The following UGT2A2 variants were observed in gnomAD, a reference collection of about 807,000 sequenced individuals.
UGT2A2 encodes UDP-glucuronosyltransferase 2A2.
In UGT2A2, 60 loss-of-function variants were observed where a neutral mutation model predicts 50.7. The ratio of observed to expected loss-of-function variants is 1.18; its 90% CI spans 0.96 to 1.47. UGT2A2 has a LOEUF of 1.47. Ranked by LOEUF, UGT2A2 falls within the 40% of genes most tolerant of loss-of-function variation. UGT2A2 has a pLI of 0.00. For missense variants in UGT2A2, 762 were observed against 634.0 expected, an observed-to-expected ratio of 1.20 and a Z score of -2.17; for synonymous variants, 242 against 214.6, an observed-to-expected ratio of 1.13 and a Z score of -1.11.
At chr4:69,637,617 A>T (rs895535757) in intron 1 of UGT2A2, among the ~76,000 whole-genome samples, 1 of 152,044 alleles carries the variant, frequency 6.6e-6, no homozygotes, top group African/African-American at 2.4e-5. Context: ...TGCCTGCTCT[A>T]TTTAAATATG....
intron 1 of UGT2A2, among the ~76,000 whole-genome samples, chr4:69,616,032 C>A (rs1022762630): frequency 6.6e-6 from 1 of 151,892 alleles, no homozygotes; most frequent in Non-Finnish European, 1.5e-5. Context: ...GGTGAATCAA[C>A]GGACAAGTGA....
chr4:69,618,201 G>GTGTGTGTGTATGTT (rs1553905679), intron 1 of UGT2A2, among the ~76,000 whole-genome samples: 4 of 88,528 alleles, frequency 4.5e-5, no homozygotes, highest in African/African-American at 1.7e-4. Context: ...GTGTGTGTGT[G>GTGTGTGTGTATGTT]TGTGTGTGTG....
chr4:69,596,455 G>A, intron 2 of UGT2A2, 74 bp from the exon 3 acceptor site: 5 of 1,401,630 alleles, frequency 3.6e-6, no homozygotes, highest in Non-Finnish European at 4.7e-6. Flanking sequence ...ACACATTTAA[G>A]TAGGTAAAAT....
rs780154181 is a variant in UGT2A2, at chr4:69,594,692, A to G, written c.1116T>C (p.His372=). 1.2e-6 allele frequency: 2 copies of G among 1,613,214 alleles called. No homozygotes were observed. The highest frequency in any genetic ancestry group is 2.2e-5 in the South Asian group (2 of 91,004). The change falls in exon 5 of 6, where the codon CAT becomes CAC. Residue 372 remains histidine, a synonymous_variant. Coordinates refer to ENST00000604629, the MANE Select transcript of UGT2A2 (RefSeq NM_001105677.2). Reference sequence around the variant, plus strand: ...GAGTGATAAAAGCTTTGGTTTTGGGATGTCCTAATTTGAGGATGGAGTGAG... The same window carrying G: ...GAGTGATAAAAGCTTTGGTTTTGGGGTGTCCTAATTTGAGGATGGAGTGAG... The part of the protein sequence containing the change: ...DWIPQNDLLG[H]PKTKAFITHG...
intron 5 of UGT2A2, among the ~76,000 whole-genome samples, chr4:69,589,932 A>G (rs1438537): frequency 0.39 from 59,371 of 152,004 alleles, 11,869 homozygotes; most frequent in East Asian, 0.56. Context: ...TTCCAAAAAT[A>G]ATTTTGATAC....
intron 1 of UGT2A2, 107 bp from the exon 2 acceptor site, chr4:69,599,501 A>G (rs1210347573): frequency 6.7e-7 from 1 of 1,498,440 alleles, no homozygotes; most frequent in Non-Finnish European, 9.0e-7. Flanking sequence ...AAAAAACTGA[A>G]TTAGGTCTTC....
chr4:69,608,989 A>T lies in UGT2A2; in HGVS notation c.743-9595T>A, dbSNP rs114130039. On this transcript the variant is annotated intron_variant, in intron 1 of 5. Coordinates refer to ENST00000604629, the MANE Select transcript of UGT2A2 (RefSeq NM_001105677.2). The stretch of plus-strand genomic sequence containing the variant: ...ATAGTAGAAAAGGATTTCCTCAGGA[A>T]CATAAAGAAAAATTATAAAGAGTAT... Among the ~76,000 whole-genome samples, 448 of 152,280 alleles carry T rather than the reference A, an allele frequency of 2.9e-3. 4 individuals carry two copies. Among genetic ancestry groups the T allele is most frequent in the African/African-American group, 0.01 (427 of 41,580 alleles).
chr4:69,637,964 G>A (rs1033015995), intron 1 of UGT2A2, among the ~76,000 whole-genome samples: 31 of 149,868 alleles, frequency 2.1e-4, no homozygotes, highest in African/African-American at 7.6e-4. Flanking sequence ...GGAAAAAAAG[G>A]AAGGAAAAAA....
chr4:69,595,694 T>G (rs1370470443), intron 3 of UGT2A2, among the ~76,000 whole-genome samples: 2 of 152,206 alleles, frequency 1.3e-5, no homozygotes, highest in African/African-American at 4.8e-5. Context: ...TTGAATAACA[T>G]AAGTCAGAAA....
At chr4:69,614,036 T>C (rs1396325490) in intron 1 of UGT2A2, among the ~76,000 whole-genome samples, 2 of 152,092 alleles carry the variant, frequency 1.3e-5, no homozygotes, top group Admixed American at 6.6e-5. Flanking sequence ...ATAAAGTCAA[T>C]TATTCTTATT....
intron 5 of UGT2A2, among the ~76,000 whole-genome samples, chr4:69,589,944 G>C (rs1718494422): frequency 6.6e-6 from 1 of 152,160 alleles, no homozygotes; most frequent in South Asian, 2.1e-4. Context: ...TTTTGATACT[G>C]TGTGAGCTAT....
chr4:69,594,199 C>T (rs1267210077), intron 5 of UGT2A2, among the ~76,000 whole-genome samples: 5 of 152,006 alleles, frequency 3.3e-5, no homozygotes, highest in Admixed American at 3.3e-4. Context: ...TGGTCTCGAT[C>T]TCCGGACCTT....
chr4:69,633,208 A>G (rs995258552), intron 1 of UGT2A2, among the ~76,000 whole-genome samples: 2 of 152,160 alleles, frequency 1.3e-5, no homozygotes, highest in African/African-American at 4.8e-5. Context: ...GATGAAAGAA[A>G]TCATACTGTA....
At chr4:69,614,692 C>T (rs1175397361) in intron 1 of UGT2A2, among the ~76,000 whole-genome samples, 1 of 151,982 alleles carries the variant, frequency 6.6e-6, no homozygotes, top group Admixed American at 6.6e-5. Context: ...TACCTTTCAA[C>T]AAAGCTGCCA....
chr4:69,616,376 G>A (rs1006606860), intron 1 of UGT2A2, among the ~76,000 whole-genome samples: 3 of 151,880 alleles, frequency 2.0e-5, no homozygotes, highest in Non-Finnish European at 2.9e-5. Context: ...ACTAAGAGTG[G>A]AATTGGAATT....
At chr4:69,598,608 A>G (rs1444549043) in intron 2 of UGT2A2, among the ~76,000 whole-genome samples, 1 of 152,084 alleles carries the variant, frequency 6.6e-6, no homozygotes, top group Non-Finnish European at 1.5e-5. Context: ...TTGAATTTAC[A>G]CTTTGTACTA....
intron 1 of UGT2A2, among the ~76,000 whole-genome samples, chr4:69,615,822 G>A (rs1414873257): frequency 6.6e-6 from 1 of 151,922 alleles, no homozygotes; most frequent in African/African-American, 2.4e-5. Context: ...ATATAAAATT[G>A]GTGCAGCCAC....
chr4:69,589,796 G>A (rs1007710677), intron 5 of UGT2A2, 145 bp from the exon 6 acceptor site: 2 of 1,254,610 alleles, frequency 1.6e-6, no homozygotes, highest in African/African-American at 3.0e-5. Context: ...TTTGTTAGTT[G>A]TATAGGATTT....
chr4:69,631,773 T>C (rs1048455500), intron 1 of UGT2A2, among the ~76,000 whole-genome samples: 12 of 152,124 alleles, frequency 7.9e-5, no homozygotes, highest in African/African-American at 2.9e-4. Flanking sequence ...TACGGACATA[T>C]TACTAGGCTC....
Sources: allele counts gnomAD v4.1 joint callset (sites outside exome capture counted in the v4.1 genomes callset), GRCh38; gene constraint gnomAD v4.1.1; transcripts MANE v1.5; gene names NCBI Gene and HGNC (gene_info 2026-07-23, HGNC 2026-07-21).